The following TRDN variants were observed in gnomAD, a reference collection of about 807,000 sequenced individuals.
TRDN encodes triadin.
A neutral mutation model predicts 149.7 loss-of-function variants in TRDN; 161 were observed. That is an observed-to-expected ratio of 1.08 (90% CI 0.95 to 1.23). TRDN has a LOEUF of 1.23. TRDN is among the 50% of genes most tolerant of loss of function. The probability of loss-of-function intolerance (pLI) is 0.00; values close to 1 mark genes in which losing one functional copy is unlikely to be tolerated. For synonymous variants in TRDN, 294 were observed against 250.5 expected (o/e 1.17, Z -1.64); for missense variants, 896 against 823.5 (o/e 1.09, Z -1.08).
intron 40 of TRDN, among the ~76,000 whole-genome samples, chr6:123,220,177 T>G (rs966110609): frequency 6.6e-6 from 1 of 151,846 alleles, no homozygotes; most frequent in Non-Finnish European, 1.5e-5. Context: ...TAATTAAAAT[T>G]TTTACTTTGA....
chr6:123,376,156 A>C (rs554592543), intron 18 of TRDN, among the ~76,000 whole-genome samples: 1 of 152,290 alleles, frequency 6.6e-6, no homozygotes, highest in East Asian at 1.9e-4. Context: ...TTTAACTATT[A>C]AAACTTTTAA....
chr6:123,266,951 C>CA (rs1777029305), intron 32 of TRDN, among the ~76,000 whole-genome samples: 1 of 147,218 alleles, frequency 6.8e-6, no homozygotes, highest in Admixed American at 6.9e-5. Context: ...ACTAAAAATA[C>CA]AAAAAATTAG....
At chr6:123,246,791 A>G (rs1776198075) in intron 38 of TRDN, among the ~76,000 whole-genome samples, 1 of 53,918 alleles carries the variant, frequency 1.9e-5, no homozygotes, top group African/African-American at 4.4e-5. Flanking sequence ...GACATAACAG[A>G]AAAAAAAAAA....
At chr6:123,225,921 G>A (rs920026799) in intron 38 of TRDN, among the ~76,000 whole-genome samples, 1 of 151,706 alleles carries the variant, frequency 6.6e-6, no homozygotes, top group African/African-American at 2.4e-5. Context: ...AAGAAGGTCA[G>A]TTTTGTCTTA....
chr6:123,575,819 A>G (rs1782826194), intron 1 of TRDN, among the ~76,000 whole-genome samples: 1 of 152,232 alleles, frequency 6.6e-6, no homozygotes, highest in African/African-American at 2.4e-5. Context: ...ATGATGCCTT[A>G]TCGATCAGAT....
rs951524858 is a variant in TRDN at position 123,216,897 on chromosome 6, T to C, written c.*1704A>G. On this transcript the variant is annotated 3_prime_UTR_variant, in exon 41 of 41. Coordinates refer to ENST00000334268, the MANE Select transcript of TRDN (RefSeq NM_006073.4). ...TTAATGGACAAACCATTCTGTTCTA[T>C]GAAATCTAAAACATCTATCATATTT... is the stretch of plus-strand genomic sequence containing the variant. 1.3e-5 allele frequency: 2 copies of C among 152,044 alleles called. No homozygotes were observed. Among genetic ancestry groups the C allele is most frequent in the African/African-American group, 2.4e-5 (1 of 41,440 alleles). The allele number at this position is 152,044 out of a possible 1,614,324, so 9.4% of individuals were successfully genotyped here.
At chr6:123,584,908 G>A (rs1333372069) in intron 1 of TRDN, among the ~76,000 whole-genome samples, 2 of 152,156 alleles carry the variant, frequency 1.3e-5, no homozygotes, top group Non-Finnish European at 2.9e-5. Context: ...AACTTGTAAG[G>A]CTTGTCTGGT....
At chr6:123,450,046 A>G (rs1436136054) in intron 10 of TRDN, among the ~76,000 whole-genome samples, 2 of 152,230 alleles carry the variant, frequency 1.3e-5, no homozygotes, top group Non-Finnish European at 1.5e-5. Flanking sequence ...CCAAGCCACC[A>G]GTACAAGAAC....
chr6:123,433,917 A>C (rs1190447031), intron 12 of TRDN: 1 of 152,212 alleles, frequency 6.6e-6, no homozygotes, highest in Non-Finnish European at 1.5e-5. Context: ...AATTGTTCAA[A>C]TATTATAATC....
intron 4 of TRDN, among the ~76,000 whole-genome samples, chr6:123,535,487 T>C (rs1780483582): frequency 6.6e-6 from 1 of 152,208 alleles, no homozygotes; most frequent in South Asian, 2.1e-4. Flanking sequence ...CTTATCGCTA[T>C]TCATCTCTCA....
At chr6:123,235,910 C>T (rs1775770451) in intron 38 of TRDN, among the ~76,000 whole-genome samples, 1 of 152,144 alleles carries the variant, frequency 6.6e-6, no homozygotes, top group South Asian at 2.1e-4. Flanking sequence ...TGTGGATGTA[C>T]TACAGCTTCT....
chr6:123,251,430 T>C (rs908957149), intron 38 of TRDN, among the ~76,000 whole-genome samples: 1 of 152,024 alleles, frequency 6.6e-6, no homozygotes, highest in Non-Finnish European at 1.5e-5. Context: ...AAAAAGAATG[T>C]AGGGATAAAT....
chr6:123,307,617 G>C (rs951374894), intron 24 of TRDN, among the ~76,000 whole-genome samples: 1 of 151,756 alleles, frequency 6.6e-6, no homozygotes, highest in Non-Finnish European at 1.5e-5. Flanking sequence ...AGGATGACAG[G>C]GTTTTTGGTA....
At chr6:123,476,898 C>A (rs1013592889) in intron 9 of TRDN, among the ~76,000 whole-genome samples, 2 of 151,534 alleles carry the variant, frequency 1.3e-5, no homozygotes, top group Non-Finnish European at 1.5e-5. Flanking sequence ...ACAACTTATA[C>A]AAAAATCAAT....
intron 1 of TRDN, among the ~76,000 whole-genome samples, chr6:123,574,881 T>TATAC (rs1554259195): frequency 6.3e-4 from 68 of 107,474 alleles, no homozygotes; most frequent in Middle Eastern, 5.3e-3. Context: ...TATATATATA[T>TATAC]ATATATATAT....
intron 16 of TRDN, among the ~76,000 whole-genome samples, chr6:123,378,705 G>A (rs542011090): frequency 6.6e-6 from 1 of 152,108 alleles, no homozygotes; most frequent in Non-Finnish European, 1.5e-5. Context: ...TTCTTACATG[G>A]AAGAAATAGC....
intron 9 of TRDN, among the ~76,000 whole-genome samples, chr6:123,474,813 T>A (rs1274716766): frequency 6.6e-6 from 1 of 151,852 alleles, no homozygotes; most frequent in African/African-American, 2.4e-5. Flanking sequence ...AACAACCTGC[T>A]CCTGAATGAC....
intron 3 of TRDN, among the ~76,000 whole-genome samples, chr6:123,547,886 TA>T (rs1455286536): frequency 2.0e-5 from 3 of 152,006 alleles, no homozygotes; most frequent in Non-Finnish European, 4.4e-5. Flanking sequence ...TTTTATTCAT[TA>T]ATATATATGA....
chr6:123,220,108 C>T (rs1309507793), intron 40 of TRDN, among the ~76,000 whole-genome samples: 1 of 151,714 alleles, frequency 6.6e-6, no homozygotes, highest in African/African-American at 2.4e-5. Context: ...GCAATAGATC[C>T]CCCAACTGAG....
Sources: gnomAD v4.1 joint callset for allele counts (sites outside exome capture counted in the v4.1 genomes callset) on GRCh38, gnomAD v4.1.1 for gene constraint, MANE v1.5 for transcripts, NCBI Gene and HGNC (gene_info 2026-07-23, HGNC 2026-07-21) for gene names.